CCP110: variants seen among roughly 807,000 people sequenced by gnomAD.
The protein encoded by CCP110 is centriolar coiled-coil protein 110, also known as centriolar coiled-coil protein of 110 kDa.
In CCP110, 43 loss-of-function variants were observed where a neutral mutation model predicts 105.5. The observed-to-expected ratio is 0.41, with a 90% CI of 0.32 to 0.53. The LOEUF is 0.53. Ranked by LOEUF, CCP110 falls within the 20% of genes least tolerant of loss-of-function variation. The pLI is 0.32. For synonymous variants in CCP110, 353 were observed against 392.1 expected, an observed-to-expected ratio of 0.90 and a Z score of 1.18; for missense variants, 1,016 against 1,189.1, an observed-to-expected ratio of 0.85 and a Z score of 2.14.
chr16:19,551,348 A>G (rs1970635143), exon 15 of CCP110: 3 of 956,706 alleles, frequency 3.1e-6, no homozygotes, highest in Non-Finnish European at 5.1e-6. Context: ...GTTTACACAG[A>G]CAAAGTGACA....
At chr16:19,537,242 C>T (rs1418562014) in exon 4 of CCP110, 4 of 1,614,110 alleles carry the variant, frequency 2.5e-6, no homozygotes, top group Non-Finnish European at 2.5e-6. Flanking sequence ...TGTGAGTGGA[C>T]TCAAGCCAGC....
rs545784765 is a variant in CCP110 at position 19,541,128 on chromosome 16, T to C, written c.2049+341T>C. 1.4e-4 allele frequency among the ~76,000 whole-genome samples: 21 copies of C among 152,242 alleles called. No homozygotes were observed. In the South Asian group the frequency reaches 4.1e-3, roughly 30 times the overall value. On this transcript the variant is annotated intron_variant, in intron 5 of 14. Coordinates refer to ENST00000381396, the Ensembl canonical transcript of CCP110. ...CATGCTGGGCGTGGTATCATGAGCC[T>C]GTAGTCCCAGCTATGCAGGAGGCTG...
At chr16:19,542,487 T>A in intron 6 of CCP110, 134 bp from the exon 7 acceptor site, 1 of 643,778 alleles carries the variant, frequency 1.6e-6, no homozygotes. Flanking sequence ...AGTCCATAAA[T>A]ATTTTAAGTC....
exon 4 of CCP110, chr16:19,537,218 C>T (rs1239225264): frequency 1.2e-6 from 2 of 1,614,114 alleles, no homozygotes; most frequent in Non-Finnish European, 1.7e-6. Flanking sequence ...TATAGCAAGT[C>T]CAAACTTTGG....
intron 1 of CCP110, chr16:19,526,262 A>G (rs1292385828): frequency 1.3e-5 from 2 of 152,236 alleles, no homozygotes; most frequent in Non-Finnish European, 2.9e-5. Flanking sequence ...CCTCACTTCT[A>G]AAATTGAATT....
At chr16:19,535,874 A>T in intron 3 of CCP110, 66 bp from the exon 4 acceptor site, 1 of 1,092,480 alleles carries the variant, frequency 9.2e-7, no homozygotes. Flanking sequence ...TTTATTTTAG[A>T]AAACAGTGAA....
intron 4 of CCP110, among the ~76,000 whole-genome samples, chr16:19,538,349 C>T (rs1046300792): frequency 3.0e-5 from 3 of 100,294 alleles, no homozygotes; most frequent in Non-Finnish European, 5.3e-5. Context: ...CTTGCTCTGT[C>T]GCCAGGCTGG....
At chr16:19,533,503 C>T (rs534063662) in intron 3 of CCP110, among the ~76,000 whole-genome samples, 6 of 152,150 alleles carry the variant, frequency 3.9e-5, no homozygotes, top group Admixed American at 1.3e-4. Flanking sequence ...ATGAGATAAG[C>T]GATCACATTT....
chr16:19,536,412 T>C lies in CCP110; in HGVS notation c.743T>C (p.Leu248Pro), dbSNP rs763871078. The C allele has an allele frequency of 3.7e-6, 6 of 1,613,062 alleles. No homozygotes were observed. The highest frequency in any genetic ancestry group is 1.1e-5 in the South Asian group (1 of 91,068). Residue 248 changes from leucine to proline, a missense_variant, in exon 4 of 15, where the codon CTG becomes CCG. By Grantham distance (98) the Leu-to-Pro change is moderately conservative (BLOSUM62 -3). Coordinates refer to ENST00000381396, the Ensembl canonical transcript of CCP110. ...GAAAGAGAACAATCTAGACGCAGTC[T>C]GAGAGGTAGTATCAACAGAATTGTT...
chr16:19,536,758 A>C, exon 4 of CCP110: 1 of 1,614,204 alleles, frequency 6.2e-7, no homozygotes, highest in East Asian at 2.2e-5. Context: ...CATATGCCAA[A>C]TTACCTAGTC....
Position 19,542,619 on chromosome 16 carries a change from A to G in CCP110, c.2228-2A>G. On this transcript the variant is annotated splice_acceptor_variant, in intron 6 of 14. Transcript: ENST00000381396. LOFTEE classifies it high-confidence loss of function. ...TATAATACTATATGTATGTTTCTCT[A>G]GGTTTCACAAATTCTGCCATGCAAT... The G allele has an allele frequency of 6.2e-7, 1 of 1,602,732 alleles. No individual in the cohort carries two copies. Among genetic ancestry groups the G allele is most frequent in the Non-Finnish European group, 8.5e-7 (1 of 1,169,916 alleles).
rs1970524690 is a variant in CCP110 at position 19,548,201 on chromosome 16, G to A, written c.2900+187G>A. On this transcript the variant is annotated intron_variant, in intron 13 of 14. Transcript: ENST00000381396. This position sits in a 1 kb window ranked among gnomAD's most constrained non-coding sequence, Gnocchi z 4.1. The stretch of plus-strand genomic sequence containing the variant: ...TGTAACCCTCTTGGTGTACTGTTGT[G>A]TATTCTAATTACTGTCTTAAGTTGG... 2 of 623,738 alleles carry A rather than the reference G, an allele frequency of 3.2e-6. No individual in the cohort carries two copies. The highest frequency in any genetic ancestry group is 5.7e-6 in the Non-Finnish European group (2 of 349,766). The allele number at this position is 623,738 out of a possible 1,614,324, so 38.6% of individuals were successfully genotyped here. A position where few individuals can be genotyped will look rare whatever the true frequency, so the allele number is the denominator to read the frequency against.
chr16:19,525,207 A>G (rs1002765657), intron 1 of CCP110: 4 of 152,234 alleles, frequency 2.6e-5, no homozygotes, highest in African/African-American at 7.2e-5. Flanking sequence ...TTTCAGTGAC[A>G]TGTCTGGCAG....
At chr16:19,549,958 G>A (rs1372730269) in intron 14 of CCP110, among the ~76,000 whole-genome samples, 1 of 152,132 alleles carries the variant, frequency 6.6e-6, no homozygotes, top group Non-Finnish European at 1.5e-5. Context: ...ACTGAAGTTA[G>A]TAACATACAA....
intron 4 of CCP110, among the ~76,000 whole-genome samples, chr16:19,539,622 G>A (rs956562341): frequency 6.6e-6 from 1 of 151,752 alleles, no homozygotes; most frequent in East Asian, 1.9e-4. Context: ...CCAAAGTGCT[G>A]GGATTACAGG....
intron 6 of CCP110, 44 bp downstream of exon 6, chr16:19,542,108 C>A (rs372482927): frequency 6.9e-6 from 9 of 1,302,518 alleles, no homozygotes; most frequent in African/African-American, 1.5e-5. Flanking sequence ...AGTGATCCTA[C>A]GGTAAGATAT....
At chr16:19,533,902 T>G (rs1465915067) in intron 3 of CCP110, among the ~76,000 whole-genome samples, 6 of 152,204 alleles carry the variant, frequency 3.9e-5, no homozygotes, top group Non-Finnish European at 5.9e-5. Flanking sequence ...TAAGCTTTAC[T>G]TTTTCCTTTG....
In CCP110 at chr16:19,548,162, G is replaced by C. The variant is rs557963013; in HGVS notation, c.2900+148G>C. 1 of 697,578 alleles carries C rather than the reference G, an allele frequency of 1.4e-6. No individual in the cohort carries two copies. The highest frequency in any genetic ancestry group is 2.4e-5 in the Admixed American group (1 of 42,020). The allele number at this position is 697,578 out of a possible 1,614,324, so 43.2% of individuals were successfully genotyped here. On this transcript the variant is annotated intron_variant, in intron 13 of 14. Transcript: ENST00000381396. This position sits in a 1 kb window ranked among gnomAD's most constrained non-coding sequence, Gnocchi z 4.1. ...ATAGCATTGGGAAAGATATTTTAAA[G>C]TTTTGTCTTCAAATGTAACCCTCTT...
chr16:19,542,588 A>G (rs745423629), intron 6 of CCP110, 33 bp from the exon 7 acceptor site: 2 of 1,488,048 alleles, frequency 1.3e-6, no homozygotes, highest in Non-Finnish European at 1.9e-6. Context: ...ATTATATGAC[A>G]TCAAGTATAA....
Sources: allele counts gnomAD v4.1 joint callset (sites outside exome capture counted in the v4.1 genomes callset), GRCh38; gene constraint gnomAD v4.1.1; non-coding constraint Gnocchi (gnomAD v3.1); transcripts MANE v1.5; gene names NCBI Gene and HGNC (gene_info 2026-07-23, HGNC 2026-07-21).